TTLL3: variants seen among roughly 807,000 people sequenced by gnomAD.
TTLL3 encodes the protein tubulin tyrosine ligase like 3.
TTLL3 carries 63 observed loss-of-function variants against 75.2 expected under a neutral mutation model. That is an observed-to-expected ratio of 0.84 (90% CI 0.68 to 1.03). The LOEUF is 1.03. Ranked by LOEUF, TTLL3 falls within the 50% of genes least tolerant of loss-of-function variation. The pLI is 0.00. For synonymous variants in TTLL3, 393 were observed against 418.5 expected (o/e 0.94, Z 0.74); for missense variants, 997 against 1,069.9 (o/e 0.93, Z 0.95).
intron 5 of TTLL3, among the ~76,000 whole-genome samples, chr3:9,816,493 T>G (rs1347559797): frequency 6.6e-6 from 1 of 151,316 alleles, no homozygotes; most frequent in Non-Finnish European, 1.5e-5. Flanking sequence ...GATATCTGGC[T>G]AATGGACCCA....
chr3:9,812,891 T>C (rs2079482782), intron 2 of TTLL3, 52 bp from the exon 3 acceptor site: 2 of 1,443,104 alleles, frequency 1.4e-6, no homozygotes, highest in East Asian at 4.7e-5. Flanking sequence ...ATCCCCTATG[T>C]CTGGCACTTA....
intron 12 of TTLL3, among the ~76,000 whole-genome samples, chr3:9,833,776 G>A (rs934625658): frequency 1.3e-5 from 2 of 152,148 alleles, no homozygotes; most frequent in Non-Finnish European, 2.9e-5. Flanking sequence ...GGGAGGTTAA[G>A]GCTGCAGTGA....
intron 5 of TTLL3, 107 bp from the exon 6 acceptor site, chr3:9,817,538 G>T: frequency 6.3e-7 from 1 of 1,583,262 alleles, no homozygotes; most frequent in Non-Finnish European, 8.6e-7. Flanking sequence ...CCTTGCAAGC[G>T]GGGCCAAGGC....
Position 9,835,684 on chromosome 3 carries a change from G to C in TTLL3, c.*195G>C, listed in dbSNP as rs1032632674. 6.7e-5 allele frequency: 38 copies of C among 567,466 alleles called. 1 individual carries two copies. In the African/African-American group the frequency reaches 7.0e-4, roughly 11 times the overall value. The allele number at this position is 567,466 out of a possible 1,614,324, so 35.2% of individuals were successfully genotyped here. On this transcript the variant is annotated 3_prime_UTR_variant, in exon 14 of 14. Coordinates refer to ENST00000685419, the MANE Select transcript of TTLL3 (RefSeq NM_001387446.1). ...CAAGATCACGTGGCAGTGAGTCGAC[G>C]CAGGGACATATTGCCAGAACTGCCG... is the stretch of plus-strand genomic sequence containing the variant.
intron 10 of TTLL3, 26 bp from the exon 11 acceptor site, chr3:9,828,934 C>T: frequency 1.2e-6 from 2 of 1,611,720 alleles, no homozygotes; most frequent in Non-Finnish European, 8.5e-7. Context: ...AGGGCCTGGA[C>T]CTCAGTTTTC....
In TTLL3 at chr3:9,827,241, G is replaced by C. The variant is rs2081125361; in HGVS notation, c.1247+1G>C. 6.2e-7 allele frequency: 1 copy of C among 1,613,394 alleles called. No homozygotes were observed. Among genetic ancestry groups the C allele is most frequent in the Non-Finnish European group, 8.5e-7 (1 of 1,179,454 alleles). On this transcript the variant is annotated splice_donor_variant, in intron 10 of 13. Transcript: ENST00000685419. LOFTEE classifies it high-confidence loss of function. ...CCTTCTCCCTGAAGAACCTGGACAAGTGAGCCCCTCTGCTCGCCTCCCACG... is the reference window on the plus strand; with the variant it reads ...CCTTCTCCCTGAAGAACCTGGACAACTGAGCCCCTCTGCTCGCCTCCCACG...
chr3:9,822,108 CA>C (rs1377863329), intron 8 of TTLL3, among the ~76,000 whole-genome samples: 1 of 127,828 alleles, frequency 7.8e-6, no homozygotes, highest in Non-Finnish European at 1.6e-5. Context: ...TTCTGTTGCC[CA>C]GGCTGGAGTG....
Position 9,835,808 on chromosome 3 carries a change from T to G in TTLL3, c.*319T>G. The G allele has an allele frequency of 3.2e-6, 1 of 312,072 alleles. No homozygotes were observed. 19.3% of individuals were successfully genotyped at this position (312,072 alleles called of 1,614,324 possible). ...AATGCCATGAGACAGGGGAAGGAAT[T>G]GGCCTTGCCTAAACCTCAGCCCTTC... On this transcript the variant is annotated 3_prime_UTR_variant, in exon 14 of 14. Transcript: ENST00000685419.
At chr3:9,822,028 A>G (rs1233136954) in intron 8 of TTLL3, among the ~76,000 whole-genome samples, 1 of 148,670 alleles carries the variant, frequency 6.7e-6, no homozygotes, top group East Asian at 2.0e-4. Flanking sequence ...AAGAATTTTC[A>G]AGACTTAGAA....
intron 8 of TTLL3, among the ~76,000 whole-genome samples, chr3:9,823,386 A>G (rs1364419504): frequency 6.7e-6 from 1 of 149,974 alleles, no homozygotes; most frequent in Non-Finnish European, 1.5e-5. Flanking sequence ...TGTCTCAAAG[A>G]AAAAACAAAC....
At chr3:9,815,496 G>A (rs1476993387) in intron 4 of TTLL3, among the ~76,000 whole-genome samples, 1 of 152,250 alleles carries the variant, frequency 6.6e-6, no homozygotes, top group Admixed American at 6.5e-5. Context: ...CAGAGTTGTA[G>A]GAAGGAGGGA....
rs2081994967 is a variant in TTLL3 at position 9,836,008 on chromosome 3, T to G, written c.*519T>G. On this transcript the variant is annotated 3_prime_UTR_variant, in exon 14 of 14. Coordinates refer to ENST00000685419, the MANE Select transcript of TTLL3 (RefSeq NM_001387446.1). ...CTTGGACCCTGTGAATGTGACCTTA[T>G]GTGGGAAAAGAGTCTTTGTAGCTGG... is the stretch of plus-strand genomic sequence containing the variant. 1 of 152,708 alleles carries G rather than the reference T, an allele frequency of 6.5e-6. No individual in the cohort carries two copies. The highest frequency in any genetic ancestry group is 6.5e-5 in the Admixed American group (1 of 15,288). The allele number at this position is 152,708 out of a possible 1,614,324, so 9.5% of individuals were successfully genotyped here.
Position 9,831,842 on chromosome 3 carries a change from A to C in TTLL3, c.1684-1262A>C, listed in dbSNP as rs867120653. ...TAGACAGAGTCTCACTCTGCCACCCAGGCTGGAGTGCAGTGGTGCTAGCTC... is the reference window on the plus strand; with the variant it reads ...TAGACAGAGTCTCACTCTGCCACCCCGGCTGGAGTGCAGTGGTGCTAGCTC... On this transcript the variant is annotated intron_variant, in intron 11 of 13. Transcript: ENST00000685419. Among the ~76,000 whole-genome samples, 32 of 141,192 alleles carry C rather than the reference A, an allele frequency of 2.3e-4. 1 individual carries two copies. The Middle Eastern group carries it at 0.011, about 48-fold the overall frequency. The allele number at this position is 141,192 out of a possible 152,430, so 92.6% of individuals were successfully genotyped here.
chr3:9,825,145 G>A (rs1015654894), intron 8 of TTLL3, among the ~76,000 whole-genome samples: 2 of 152,150 alleles, frequency 1.3e-5, no homozygotes, highest in African/African-American at 4.8e-5. Context: ...GAGGCCAGGA[G>A]TTCAAGACTA....
rs747930725 is a variant in TTLL3 at position 9,835,225 on chromosome 3, C to T, written c.2184C>T (p.Asp728=). The T allele has an allele frequency of 6.2e-7, 1 of 1,614,204 alleles. No homozygotes were observed. The highest frequency in any genetic ancestry group is 1.1e-5 in the South Asian group (1 of 91,088). The change falls in exon 14 of 14, where the codon GAC becomes GAT. Residue 728 remains aspartate, a synonymous_variant. Coordinates refer to ENST00000685419, the MANE Select transcript of TTLL3 (RefSeq NM_001387446.1). ...AGGCAAATTCAAGGCCAGACTGTGA[C>T]AAACCCAGGGCTGAGGCCTGCCCCA... ...RPKANSRPDC[D]KPRAEACPMK...
At chr3:9,815,149 A>G (rs779483115) in intron 4 of TTLL3, among the ~76,000 whole-genome samples, 1 of 151,828 alleles carries the variant, frequency 6.6e-6, no homozygotes, top group Non-Finnish European at 1.5e-5. Context: ...CTGAGGCAGA[A>G]GAATCAACTT....
intron 4 of TTLL3, among the ~76,000 whole-genome samples, chr3:9,814,959 C>T (rs982370111): frequency 3.9e-5 from 6 of 151,934 alleles, no homozygotes; most frequent in Admixed American, 6.6e-5. Context: ...CATTTCTGGC[C>T]GGGCATGGTG....
rs1426229053 is a variant in TTLL3, at chr3:9,810,385, C to A, written c.-51C>A. On this transcript the variant is annotated 5_prime_UTR_variant, in exon 1 of 14. Coordinates refer to ENST00000685419, the MANE Select transcript of TTLL3 (RefSeq NM_001387446.1). The surrounding 1 kb of genome is among the most constrained non-coding windows in gnomAD (Gnocchi z 4.4). ...GCACACCCCGGTCCTCGACCCCTCT[C>A]CGCAGGATGGTGAGGCCCGTGCGGC... 2 of 1,413,624 alleles carry A rather than the reference C, an allele frequency of 1.4e-6. No individual in the cohort carries two copies. The highest frequency in any genetic ancestry group is 6.3e-5 in the Admixed American group (2 of 31,550). The allele number at this position is 1,413,624 out of a possible 1,614,324, so 87.6% of individuals were successfully genotyped here.
intron 10 of TTLL3, chr3:9,827,463 C>A: frequency 1.3e-6 from 1 of 743,004 alleles, no homozygotes; most frequent in Non-Finnish European, 2.1e-6. Flanking sequence ...AGTGCAGTGG[C>A]ATGGTCACGG....
Sources: allele counts gnomAD v4.1 joint callset (sites outside exome capture counted in the v4.1 genomes callset), GRCh38; gene constraint gnomAD v4.1.1; non-coding constraint Gnocchi (gnomAD v3.1); transcripts MANE v1.5; gene names NCBI Gene and HGNC (gene_info 2026-07-23, HGNC 2026-07-21).